Variants in CYTL1 observed in about 807,000 individuals in gnomAD.
The protein encoded by CYTL1 is cytokine like 1.
A neutral mutation model predicts 13.1 loss-of-function variants in CYTL1; 17 were observed. The ratio of observed to expected loss-of-function variants is 1.29; its 90% CI spans 0.89 to 1.94. CYTL1 has a LOEUF of 1.94. Among genes scored for constraint, CYTL1 ranks in the 30% most tolerant of loss-of-function variants. The pLI, the probability that CYTL1 is intolerant of heterozygous loss-of-function variation, is 0.00. For synonymous variants in CYTL1, 91 were observed against 79.4 expected (o/e 1.15, Z -0.78); for missense variants, 213 against 174.8 (o/e 1.22, Z -1.23).
intron 3 of CYTL1, 136 bp downstream of exon 3, chr4:5,016,700 G>T (rs1025331390): frequency 9.0e-7 from 1 of 1,114,218 alleles, no homozygotes; most frequent in Non-Finnish European, 1.3e-6. Flanking sequence ...AAAGGGCTTT[G>T]TGAACTGAAA....
At position 5,015,061 on chromosome 4, in the gene CYTL1, G is replaced by C. The variant is rs367805380; in HGVS notation, c.*90C>G. 9.8e-5 allele frequency: 102 copies of C among 1,037,446 alleles called. 2 individuals are homozygous for C. The Middle Eastern group carries it at 4.2e-3, about 43-fold the overall frequency. 64.3% of individuals were successfully genotyped at this position (1,037,446 alleles called of 1,614,324 possible). A position where few individuals can be genotyped will look rare whatever the true frequency, so the allele number is the denominator to read the frequency against. ...ACAGTTTCAGATACAACTAACACAA[G>C]ACCTGTGAGGGTCATGGCTCTGGCC... On this transcript the variant is annotated 3_prime_UTR_variant, in exon 4 of 4. Coordinates refer to ENST00000307746, the MANE Select transcript of CYTL1 (RefSeq NM_018659.3).
At chr4:5,017,359 C>T (rs1046915690) in intron 1 of CYTL1, among the ~76,000 whole-genome samples, 180 bp from the exon 2 acceptor site, 8 of 152,216 alleles carry the variant, frequency 5.3e-5, no homozygotes, top group East Asian at 3.9e-4. Flanking sequence ...TGGGCGACTG[C>T]GCTTCCGGAA....
rs1741146460 is a variant in CYTL1 at position 5,019,313 on chromosome 4, G to A, written c.133C>T (p.Leu45=). Residue 45 remains leucine (L), a synonymous_variant, in exon 1 of 4, where the codon CTG becomes TTG. Coordinates refer to ENST00000307746, the MANE Select transcript of CYTL1 (RefSeq NM_018659.3). Reference sequence around the variant, plus strand: ...CTCACCGAGGGCTCCGAGACCTGCAGGAGGTTGAAGTCGCGGGTGATCTCC... The same window carrying A: ...CTCACCGAGGGCTCCGAGACCTGCAAGAGGTTGAAGTCGCGGGTGATCTCC... ...SQEITRDFNL[L]QVSEPSEPCV... is the part of the protein sequence containing the mutation. The A allele has an allele frequency of 6.6e-7, 1 of 1,509,162 alleles. No individual in the cohort carries two copies. The highest frequency in any genetic ancestry group is 8.8e-7 in the Non-Finnish European group (1 of 1,132,504). 93.5% of individuals were successfully genotyped at this position (1,509,162 alleles called of 1,614,324 possible).
At chr4:5,017,612 A>G (rs929759940) in intron 1 of CYTL1, among the ~76,000 whole-genome samples, 1 of 150,356 alleles carries the variant, frequency 6.7e-6, no homozygotes, top group Non-Finnish European at 1.5e-5. Flanking sequence ...TTATATAGTA[A>G]CTTATATAAT....
intron 3 of CYTL1, 114 bp from the exon 4 acceptor site, chr4:5,015,348 A>C: frequency 1.3e-6 from 1 of 772,630 alleles, no homozygotes; most frequent in Non-Finnish European, 2.2e-6. Flanking sequence ...CTCTTTCTGT[A>C]AAAACTTCCC....
At chr4:5,015,317 T>G in intron 3 of CYTL1, 83 bp from the exon 4 acceptor site, 1 of 1,036,396 alleles carries the variant, frequency 9.6e-7, no homozygotes, top group Non-Finnish European at 1.5e-6. Context: ...TTGGTTATCC[T>G]CAAAGGCCAT....
Position 5,016,889 on chromosome 4 carries a change from A to T in CYTL1, c.274T>A (p.Leu92Met). Residue 92 changes from leucine to methionine, a missense_variant, in exon 3 of 4, where the codon TTG becomes ATG. By Grantham distance (15) the Leu-to-Met change is conservative (BLOSUM62 2). Transcript: ENST00000307746. Reference sequence around the variant, plus strand: ...TACAGCTTCCGTGCTTTGTCCTTCAAGGAATCTACCTGGGCCACTTTCCAA... The same window carrying T: ...TACAGCTTCCGTGCTTTGTCCTTCATGGAATCTACCTGGGCCACTTTCCAA... The part of the protein sequence containing the change: ...PCWKVAQVDS[L>M]KDKARKLYTI... 6.2e-7 allele frequency: 1 copy of T among 1,614,234 alleles called. No homozygotes were observed. Among genetic ancestry groups the T allele is most frequent in the Admixed American group, 1.7e-5 (1 of 60,026 alleles).
intron 1 of CYTL1, among the ~76,000 whole-genome samples, chr4:5,018,505 G>T (rs79477545): frequency 0.017 from 2,544 of 152,352 alleles, 49 homozygotes; most frequent in African/African-American, 0.058. Flanking sequence ...ATTTGCAAGT[G>T]ATTAAAAGAC....
chr4:5,017,924 C>T (rs4491964), intron 1 of CYTL1, among the ~76,000 whole-genome samples: 99,310 of 152,106 alleles, frequency 0.65, 35,164 homozygotes, highest in East Asian at 0.97. Context: ...TGGGCAAGTG[C>T]CTTCCTTCAG....
intron 3 of CYTL1, 62 bp downstream of exon 3, chr4:5,016,774 A>G: frequency 6.3e-7 from 1 of 1,598,704 alleles, no homozygotes; most frequent in Non-Finnish European, 8.6e-7. Flanking sequence ...TCCTCTTTGA[A>G]AAGCTCAGAA....
intron 1 of CYTL1, 45 bp from the exon 2 acceptor site, chr4:5,017,224 C>A: frequency 1.3e-6 from 2 of 1,595,066 alleles, no homozygotes; most frequent in Non-Finnish European, 1.7e-6. Context: ...CAGGGGCATA[C>A]CTGGTCACAA....
rs570293865 is a variant in CYTL1, at chr4:5,017,158, G to C, written c.175C>G (p.Pro59Ala). 15 of 1,614,000 alleles carry C rather than the reference G, an allele frequency of 9.3e-6. No individual in the cohort carries two copies. The South Asian group carries it at 1.6e-4, about 18-fold the overall frequency. ...EPSEPCVRYL[P>A]RLYLDIHNYC... ...ACGTGTATGTCCAGGTACAGCCTGG[G>C]CAGGTATCTCACACATGGCTCCTGT... Residue 59 changes from proline (P) to alanine (A), a missense_variant, in exon 2 of 4, where the codon CCC becomes GCC. By Grantham distance (27) the Pro-to-Ala change is conservative. Coordinates refer to ENST00000307746, the MANE Select transcript of CYTL1 (RefSeq NM_018659.3).
At chr4:5,017,217 G>A (rs776237061) in intron 1 of CYTL1, 38 bp from the exon 2 acceptor site, 6 of 1,600,022 alleles carry the variant, frequency 3.7e-6, no homozygotes, top group South Asian at 1.1e-5. Context: ...ATGCCCACAG[G>A]GGCATACCTG....
chr4:5,019,372 G>C lies in CYTL1; in HGVS notation c.74C>G (p.Pro25Arg), dbSNP rs756904277. The change falls in exon 1 of 4, where the codon CCG (proline) becomes CGG (arginine). Residue 25 changes from proline (P) to arginine (R), a missense_variant. By Grantham distance (103) the Pro-to-Arg change is moderately radical. Transcript: ENST00000307746. ...AGAPAARPTP[P>R]TCYSRMRALS... ...GGCCCGCATGCGGGAGTAGCAGGTC[G>C]GGGGAGTGGGCCGCGCGGCGGGGGC... 5 of 1,513,492 alleles carry C rather than the reference G, an allele frequency of 3.3e-6. No homozygotes were observed. Among genetic ancestry groups the C allele is most frequent in the African/African-American group, 1.5e-5 (1 of 68,260 alleles). The allele number at this position is 1,513,492 out of a possible 1,614,324, so 93.8% of individuals were successfully genotyped here. A position where few individuals can be genotyped will look rare whatever the true frequency, so the allele number is the denominator to read the frequency against.
rs1372595406 is a variant in CYTL1, at chr4:5,015,126, G to T, written c.*25C>A. On this transcript the variant is annotated 3_prime_UTR_variant, in exon 4 of 4. Transcript: ENST00000307746. ...AGCTGACATAACTGTAGTTCTCTTG[G>T]GTTCTTTCTCTGGTCTCAGTTCCCT... is the stretch of plus-strand genomic sequence containing the variant. 15 of 1,602,244 alleles carry T rather than the reference G, an allele frequency of 9.4e-6. No individual in the cohort carries two copies. Among genetic ancestry groups the T allele is most frequent in the Non-Finnish European group, 1.3e-5 (15 of 1,169,978 alleles).
intron 3 of CYTL1, among the ~76,000 whole-genome samples, chr4:5,016,349 G>A (rs980432176): frequency 6.6e-6 from 1 of 152,208 alleles, no homozygotes; most frequent in Non-Finnish European, 1.5e-5. Context: ...AACAGACTAA[G>A]ACAGGCACTC....
Position 5,017,129 on chromosome 4 carries a change from T to C in CYTL1, c.198+6A>G, listed in dbSNP as rs200971617. ...GACCTCCCTCCCCCAGGGAGAACCC[T>C]CTTACGTGTATGTCCAGGTACAGCC... On this transcript the variant is annotated splice_donor_region_variant and intron_variant, in intron 2 of 3. Transcript: ENST00000307746. 8.3e-5 allele frequency: 134 copies of C among 1,613,752 alleles called. No homozygotes were observed. The highest frequency in any genetic ancestry group is 1.1e-4 in the Non-Finnish European group (124 of 1,179,832).
chr4:5,016,718 C>T lies in CYTL1; in HGVS notation c.327+118G>A, dbSNP rs185618082. On this transcript the variant is annotated intron_variant, in intron 3 of 3. Transcript: ENST00000307746. ...GGGCTTTGTGAACTGAAAGCATCTG[C>T]GAAACATCTCTGCTCCTCTTCCTTG... is the stretch of plus-strand genomic sequence containing the variant. 74 of 1,312,958 alleles carry T rather than the reference C, an allele frequency of 5.6e-5. No individual in the cohort carries two copies. The Admixed American group carries it at 8.0e-4, about 14-fold the overall frequency. The allele number at this position is 1,312,958 out of a possible 1,614,324, so 81.3% of individuals were successfully genotyped here.
intron 3 of CYTL1, among the ~76,000 whole-genome samples, chr4:5,015,616 A>G (rs1405138381): frequency 6.6e-6 from 1 of 152,218 alleles, no homozygotes; most frequent in African/African-American, 2.4e-5. Context: ...TCACACTGTT[A>G]TCATAATTGT....
Sources: gnomAD v4.1 joint callset for allele counts (sites outside exome capture counted in the v4.1 genomes callset) on GRCh38, gnomAD v4.1.1 for gene constraint, MANE v1.5 for transcripts, NCBI Gene and HGNC (gene_info 2026-07-23, HGNC 2026-07-21) for gene names.